The following PDIA6 variants were observed in gnomAD, a reference collection of about 807,000 sequenced individuals.
The protein encoded by PDIA6 is protein disulfide isomerase family A member 6.
A neutral mutation model predicts 58.4 loss-of-function variants in PDIA6; 29 were observed. The observed-to-expected ratio is 0.50, with a 90% confidence interval of 0.37 to 0.68. The LOEUF (loss-of-function observed/expected upper bound fraction) is 0.68. Among genes scored for constraint, PDIA6 ranks in the 30% least tolerant of loss-of-function variants. The pLI, the probability that PDIA6 is intolerant of heterozygous loss-of-function variation, is 0.00. For synonymous variants in PDIA6, 192 were observed against 202.6 expected (o/e 0.95, Z 0.44); for missense variants, 480 against 551.0 (o/e 0.87, Z 1.29).
rs945327101 is a variant in PDIA6, at chr2:10,812,661, C to A, written c.19+17G>T. 2 of 1,529,896 alleles carry A rather than the reference C, an allele frequency of 1.3e-6. No individual in the cohort carries two copies. The highest frequency in any genetic ancestry group is 1.8e-6 in the Non-Finnish European group (2 of 1,139,770). The allele number at this position is 1,529,896 out of a possible 1,614,324, so 94.8% of individuals were successfully genotyped here. On this transcript the variant is annotated intron_variant, in intron 1 of 12. Transcript: ENST00000272227. ...CGACCCCAGCTCGCCCGCCTCCCTC[C>A]GCTGGCCCGCACCTACCGAGCACCA...
At chr2:10,790,921 C>CT in intron 6 of PDIA6, 88 bp from the exon 7 acceptor site, 1 of 846,506 alleles carries the variant, frequency 1.2e-6, no homozygotes, top group Non-Finnish European at 2.0e-6. Flanking sequence ...GCAATCATGG[C>CT]TCCCTGCAGC....
At chr2:10,785,456 GTATGTGCA>G (rs1665677254) in intron 11 of PDIA6, among the ~76,000 whole-genome samples, 1 of 152,156 alleles carries the variant, frequency 6.6e-6, no homozygotes, top group Non-Finnish European at 1.5e-5. Flanking sequence ...AGCGGGGTGC[GTATGTGCA>G]TAAACATCAG....
chr2:10,810,545 G>A (rs764368980), intron 1 of PDIA6: 3 of 816,026 alleles, frequency 3.7e-6, no homozygotes, highest in Non-Finnish European at 4.8e-6. Flanking sequence ...GTAATGGTGA[G>A]GGACCTTTGT....
At chr2:10,794,218 C>T (rs138022081) in intron 4 of PDIA6, among the ~76,000 whole-genome samples, 153 of 150,144 alleles carry the variant, frequency 1.0e-3, no homozygotes, top group African/African-American at 2.8e-3. Context: ...GGCAGAGGCA[C>T]GTGGAACACC....
chr2:10,795,996 A>C (rs10520049), intron 4 of PDIA6, among the ~76,000 whole-genome samples: 12,578 of 152,156 alleles, frequency 0.083, 657 homozygotes, highest in South Asian at 0.15. Flanking sequence ...TTTTACTAGC[A>C]CTATGGATCT....
chr2:10,792,960 G>T, intron 5 of PDIA6, 136 bp downstream of exon 5: 1 of 662,674 alleles, frequency 1.5e-6, no homozygotes, highest in Non-Finnish European at 2.7e-6. Context: ...TGGGATCGGT[G>T]GATCCAATCC....
chr2:10,788,373 G>A (rs1405988983), intron 10 of PDIA6, among the ~76,000 whole-genome samples: 1 of 152,098 alleles, frequency 6.6e-6, no homozygotes, highest in East Asian at 1.9e-4. Flanking sequence ...TAGCAGAGCA[G>A]GCCGGGTGCG....
chr2:10,821,958 T>TC (rs991185697), intron 1 of PDIA6, among the ~76,000 whole-genome samples: 12 of 150,226 alleles, frequency 8.0e-5, no homozygotes, highest in Non-Finnish European at 1.2e-4. Flanking sequence ...AAAAAAAAAT[T>TC]TTTTTGAGAC....
intron 11 of PDIA6, among the ~76,000 whole-genome samples, chr2:10,785,916 G>T (rs147991092): frequency 3.2e-4 from 48 of 152,144 alleles, no homozygotes; most frequent in African/African-American, 1.1e-3. Context: ...GTCTCACCGT[G>T]GTGGCCAGCC....
chr2:10,803,180 G>C (rs1356091822), intron 1 of PDIA6, among the ~76,000 whole-genome samples: 1 of 152,284 alleles, frequency 6.6e-6, no homozygotes, highest in African/African-American at 2.4e-5. Flanking sequence ...ATTTTGAGAC[G>C]GAGTTTCGCT....
chr2:10,832,473 G>T, exon 1 of PDIA6: 1 of 984,828 alleles, frequency 1.0e-6, no homozygotes, highest in Non-Finnish European at 1.2e-6. Flanking sequence ...CCTTGCAGCG[G>T]GCACCCTCGG....
chr2:10,808,956 T>A (rs2148561735), intron 1 of PDIA6, among the ~76,000 whole-genome samples: 1 of 152,258 alleles, frequency 6.6e-6, no homozygotes, highest in South Asian at 2.1e-4. Context: ...ATTACAGGCA[T>A]CAGCCATCAT....
intron 1 of PDIA6, among the ~76,000 whole-genome samples, chr2:10,820,390 G>A (rs1453823031): frequency 6.6e-6 from 1 of 152,128 alleles, no homozygotes; most frequent in African/African-American, 2.4e-5. Flanking sequence ...TATTACAGGT[G>A]TGTTTTCAGT....
intron 4 of PDIA6, among the ~76,000 whole-genome samples, chr2:10,795,492 C>T (rs1022914478): frequency 9.4e-5 from 4 of 42,710 alleles, no homozygotes; most frequent in Middle Eastern, 0.019. Context: ...CATCTTCAGA[C>T]GAAGACGAAG....
chr2:10,830,439 C>T (rs903553813), intron 1 of PDIA6, among the ~76,000 whole-genome samples: 3 of 152,218 alleles, frequency 2.0e-5, no homozygotes, highest in East Asian at 1.9e-4. Flanking sequence ...CCTTTTCCTG[C>T]GGGCACAGCT....
chr2:10,806,622 T>TAAAGACAGAAAGACAGAAAGACAG (rs1572683145), intron 1 of PDIA6, among the ~76,000 whole-genome samples: 1 of 48,692 alleles, frequency 2.1e-5, no homozygotes, highest in African/African-American at 4.3e-5. Flanking sequence ...TCCTAAAAAA[T>TAAAGACAGAAAGACAGAAAGACAG]AAAGACAGAA....
intron 6 of PDIA6, 94 bp from the exon 7 acceptor site, chr2:10,790,927 G>A (rs1462992733): frequency 4.9e-6 from 4 of 819,114 alleles, no homozygotes; most frequent in Non-Finnish European, 8.2e-6. Flanking sequence ...ATGGCTCCCT[G>A]CAGCCTCAAT....
chr2:10,789,100 A>G (rs1665915076), intron 8 of PDIA6, 119 bp from the exon 9 acceptor site: 3 of 727,758 alleles, frequency 4.1e-6, no homozygotes, highest in South Asian at 1.5e-5. Flanking sequence ...TCCCACGACT[A>G]CTTCCTCGTA....
At chr2:10,801,882 A>G (rs1666525936) in intron 2 of PDIA6, among the ~76,000 whole-genome samples, 1 of 152,210 alleles carries the variant, frequency 6.6e-6, no homozygotes, top group South Asian at 2.1e-4. Context: ...ATTTCAGATA[A>G]CCACACAGTT....
Sources: gnomAD v4.1 joint callset for allele counts (sites outside exome capture counted in the v4.1 genomes callset) on GRCh38, gnomAD v4.1.1 for gene constraint, MANE v1.5 for transcripts, NCBI Gene and HGNC (gene_info 2026-07-23, HGNC 2026-07-21) for gene names.